ARHGEF17: variants seen among roughly 807,000 people sequenced by gnomAD.
ARHGEF17 encodes Rho guanine nucleotide exchange factor 17.
A neutral mutation model predicts 174.0 loss-of-function variants in ARHGEF17; 80 were observed. The observed-to-expected ratio is 0.46, with a 90% CI of 0.38 to 0.55. The LOEUF is 0.55. ARHGEF17 is among the 20% of genes least tolerant of loss of function. The pLI is 0.00. For missense variants in ARHGEF17, 2,886 were observed against 2,839.7 expected (o/e 1.02, Z -0.37); for synonymous variants, 1,311 against 1,189.1 (o/e 1.10, Z -2.11).
chr11:73,327,037 G>A (rs1419923613), intron 1 of ARHGEF17, among the ~76,000 whole-genome samples: 1 of 152,216 alleles, frequency 6.6e-6, no homozygotes, highest in East Asian at 1.9e-4. Flanking sequence ...GGTAAACTCT[G>A]TTGGGGGCCA....
Position 73,311,654 on chromosome 11 carries a change from G to C in ARHGEF17, c.3016G>C (p.Val1006Leu). Reference sequence around the variant, plus strand: ...GTTGCAGGCACCATCGCTCGAGGACGTCACCAAGCAGTACATGCTGAACCT... The same window carrying C: ...GTTGCAGGCACCATCGCTCGAGGACCTCACCAAGCAGTACATGCTGAACCT... Reference protein sequence around the residue: ...PTLQAPSLEDVTKQYMLNLHS... With the variant: ...PTLQAPSLEDLTKQYMLNLHS... Residue 1006 changes from valine (V) to leucine (L), a missense_variant, in exon 1 of 21, where the codon GTC (valine) becomes CTC (leucine). Physicochemically the swap from Val to Leu is conservative, Grantham distance 32. This residue lies in a region of ARHGEF17 where 1,728 missense variants were observed against 1,461.2 expected (regional missense o/e 1.18). Transcript: ENST00000263674. The C allele has an allele frequency of 6.2e-7, 1 of 1,613,370 alleles. No homozygotes were observed. The highest frequency in any genetic ancestry group is 8.5e-7 in the Non-Finnish European group (1 of 1,179,972).
At chr11:73,312,133 A>T (rs777641106) in intron 1 of ARHGEF17, among the ~76,000 whole-genome samples, 4 of 151,970 alleles carry the variant, frequency 2.6e-5, no homozygotes, top group Non-Finnish European at 4.4e-5. Context: ...TTTCTCAGGG[A>T]CTGGTTTTGG....
Position 73,365,820 on chromosome 11 carries a change from A to C in ARHGEF17, c.5868A>C (p.Pro1956=). The stretch of plus-strand genomic sequence containing the variant: ...CTTCGCCCGGTACTGTCAGCTGCCC[A>C]CGGGCACCACTCAGTCCCACAGGCC... The part of the protein sequence containing the change: ...MPTSPGTVSC[P]RAPLSPTGLG... The change falls in exon 20 of 21, where the codon CCA becomes CCC. Residue 1956 remains proline (P), a synonymous_variant. Transcript: ENST00000263674. This position sits in a 1 kb window ranked among gnomAD's most constrained non-coding sequence, Gnocchi z 4.9. The C allele has an allele frequency of 6.2e-7, 1 of 1,613,424 alleles. No homozygotes were observed. The highest frequency in any genetic ancestry group is 8.5e-7 in the Non-Finnish European group (1 of 1,180,036).
intron 2 of ARHGEF17, among the ~76,000 whole-genome samples, chr11:73,348,645 A>G (rs1865503379): frequency 1.3e-5 from 2 of 152,164 alleles, no homozygotes; most frequent in South Asian, 4.1e-4. Context: ...GGGAGTTACT[A>G]TTTAATGGGT....
intron 1 of ARHGEF17, among the ~76,000 whole-genome samples, chr11:73,335,189 C>T (rs1259991716): frequency 6.6e-6 from 1 of 152,162 alleles, no homozygotes; most frequent in African/African-American, 2.4e-5. Context: ...GTCCTACCTA[C>T]CCTAAGGCCT....
At chr11:73,361,396 T>G (rs1865735642) in intron 12 of ARHGEF17, among the ~76,000 whole-genome samples, 2 of 152,230 alleles carry the variant, frequency 1.3e-5, no homozygotes, top group Admixed American at 6.5e-5. Context: ...GTTATATGAA[T>G]GATGGGAAGT....
rs1287276018 is a variant in ARHGEF17, at chr11:73,308,859, C to A, written c.221C>A (p.Pro74Gln). ...GPLAAPAQPR[P>Q]LRSLSPSVRQ... The stretch of plus-strand genomic sequence containing the variant: ...CTGGCCGCCCCCGCGCAGCCGCGCC[C>A]GCTCCGCAGCCTCTCGCCGTCGGTT... The change falls in exon 1 of 21, where the codon CCG becomes CAG. Residue 74 changes from proline to glutamine, a missense_variant. Physicochemically the swap from Pro to Gln is moderately conservative, Grantham distance 76. Around this residue, in one of 4 missense-constraint regions of ARHGEF17, gnomAD observed 1,728 missense variants for 1,461.2 expected, o/e 1.18. Coordinates refer to ENST00000263674, the MANE Select transcript of ARHGEF17 (RefSeq NM_014786.4). 4 of 1,345,796 alleles carry A rather than the reference C, an allele frequency of 3.0e-6. No homozygotes were observed. The highest frequency in any genetic ancestry group is 3.8e-6 in the Non-Finnish European group (4 of 1,055,774). The allele number at this position is 1,345,796 out of a possible 1,614,324, so 83.4% of individuals were successfully genotyped here.
In ARHGEF17 at chr11:73,310,053, T is replaced by C; in HGVS notation, c.1415T>C (p.Leu472Pro). 6.2e-7 allele frequency: 1 copy of C among 1,614,162 alleles called. No individual in the cohort carries two copies. The highest frequency in any genetic ancestry group is 2.2e-5 in the East Asian group (1 of 44,884). Residue 472 changes from leucine (L) to proline (P), a missense_variant, in exon 1 of 21, where the codon CTG (leucine) becomes CCG (proline). Leu to Pro is a moderately conservative substitution (Grantham distance 98). Transcript: ENST00000263674. ...LSNPDIASET[L>P]TLLSFLRSDL... ...AATCCAGATATCGCCTCAGAGACCC[T>C]GACGCTTCTCAGTTTCCTGCGCTCA... is the stretch of plus-strand genomic sequence containing the variant.
rs377333672 is a variant in ARHGEF17 at position 73,365,779 on chromosome 11, G to A, written c.5827G>A (p.Val1943Ile). The change falls in exon 20 of 21, where the codon GTC (valine) becomes ATC (isoleucine). Residue 1943 changes from valine to isoleucine, a missense_variant. Val to Ile is a conservative substitution (Grantham distance 29). Around this residue, in one of 4 missense-constraint regions of ARHGEF17, gnomAD observed 329 missense variants for 435.2 expected, o/e 0.76. Transcript: ENST00000263674. The surrounding 1 kb of genome is among the most constrained non-coding windows in gnomAD (Gnocchi z 4.9). The stretch of plus-strand genomic sequence containing the variant: ...GTGGGTGGGCACCAGTGCTGGTGTC[G>A]TCCTCACCATGCCCACTTCGCCCGG... ...LLWVGTSAGV[V>I]LTMPTSPGTV... 2.5e-5 allele frequency: 40 copies of A among 1,613,550 alleles called. No homozygotes were observed. Among genetic ancestry groups the A allele is most frequent in the South Asian group, 6.6e-5 (6 of 91,084 alleles).
rs1386980443 is a variant in ARHGEF17, at chr11:73,341,480, A to AT, written c.3193-5392dup. On this transcript the variant is annotated intron_variant, in intron 1 of 20. Transcript: ENST00000263674. ...CGCCACCACACCTGGCTAATTTTGT[A>AT]TTTTTTTTTTTAATAGAGATGGGGT... is the stretch of plus-strand genomic sequence containing the variant. Among the ~76,000 whole-genome samples the AT allele has an allele frequency of 1.8e-3, 263 of 146,180 alleles. 2 individuals are homozygous for AT. Among genetic ancestry groups the AT allele is most frequent in the East Asian group, 4.8e-3 (24 of 5,008 alleles).
intron 2 of ARHGEF17, among the ~76,000 whole-genome samples, chr11:73,349,235 G>A (rs1203876393): frequency 6.6e-6 from 1 of 152,114 alleles, no homozygotes; most frequent in African/African-American, 2.4e-5. Flanking sequence ...GTCCTCACTG[G>A]GTGATACTAG....
At chr11:73,360,629 C>A in intron 11 of ARHGEF17, 96 bp downstream of exon 11, 1 of 1,342,100 alleles carries the variant, frequency 7.5e-7, no homozygotes, top group Non-Finnish European at 1.1e-6. Context: ...GAGCCAGAAC[C>A]GCAGTGCCCT....
chr11:73,359,493 C>G (rs74365600), intron 9 of ARHGEF17, among the ~76,000 whole-genome samples: 3 of 152,208 alleles, frequency 2.0e-5, no homozygotes, highest in Non-Finnish European at 4.4e-5. Flanking sequence ...AGCACGCCCA[C>G]GGGAGGCTGC....
At chr11:73,364,883 CAA>C (rs1865810102) in intron 18 of ARHGEF17, 1 of 410,340 alleles carries the variant, frequency 2.4e-6, no homozygotes, top group Admixed American at 4.2e-5. Context: ...GGGGATAGGA[CAA>C]GAGTCCTTTC....
In ARHGEF17 at chr11:73,365,806, A is replaced by G. The variant is rs1183101658; in HGVS notation, c.5854A>G (p.Thr1952Ala). The G allele has an allele frequency of 6.2e-7, 1 of 1,613,624 alleles. No homozygotes were observed. Among genetic ancestry groups the G allele is most frequent in the South Asian group, 1.1e-5 (1 of 91,082 alleles). Reference sequence around the variant, plus strand: ...CCTCACCATGCCCACTTCGCCCGGTACTGTCAGCTGCCCACGGGCACCACT... The same window carrying G: ...CCTCACCATGCCCACTTCGCCCGGTGCTGTCAGCTGCCCACGGGCACCACT... ...VVLTMPTSPGTVSCPRAPLSP... is the reference protein window; with the variant it reads ...VVLTMPTSPGAVSCPRAPLSP... Residue 1952 changes from threonine to alanine, a missense_variant, in exon 20 of 21, where the codon ACT becomes GCT. This residue lies in a region of ARHGEF17 where 329 missense variants were observed against 435.2 expected (regional missense o/e 0.76). Transcript: ENST00000263674. The surrounding 1 kb of genome is among the most constrained non-coding windows in gnomAD (Gnocchi z 4.9).
Position 73,308,519 on chromosome 11 carries a change from C to T in ARHGEF17, c.-120C>T. ...ACCTCTGCTCCGGTCTCTGCGTCCT[C>T]TTCCCACACTCCCGTGCGCTGCTTT... On this transcript the variant is annotated 5_prime_UTR_variant, in exon 1 of 21. Coordinates refer to ENST00000263674, the MANE Select transcript of ARHGEF17 (RefSeq NM_014786.4). 1.1e-6 allele frequency: 1 copy of T among 905,122 alleles called. No individual in the cohort carries two copies. The highest frequency in any genetic ancestry group is 1.8e-5 in the African/African-American group (1 of 56,936). 56.1% of individuals were successfully genotyped at this position (905,122 alleles called of 1,614,324 possible).
intron 2 of ARHGEF17, 146 bp from the exon 3 acceptor site, chr11:73,352,684 T>A: frequency 1.3e-6 from 1 of 792,496 alleles, no homozygotes; most frequent in South Asian, 1.7e-5. Flanking sequence ...CTCCTGGAGC[T>A]CTTGGTCTCA....
chr11:73,352,820 G>C lies in ARHGEF17; in HGVS notation c.3271-10G>C. ...TGAGGGAGTGTGCACCGACCCTGTGGGTCCTTCAGGGCTACATGCAGCCGC... is the reference window on the plus strand; with the variant it reads ...TGAGGGAGTGTGCACCGACCCTGTGCGTCCTTCAGGGCTACATGCAGCCGC... On this transcript the variant is annotated splice_polypyrimidine_tract_variant and intron_variant, in intron 2 of 20. Transcript: ENST00000263674. 6.2e-7 allele frequency: 1 copy of C among 1,613,646 alleles called. No individual in the cohort carries two copies. The highest frequency in any genetic ancestry group is 2.2e-5 in the East Asian group (1 of 44,874).
rs1444753324 is a variant in ARHGEF17, at chr11:73,311,685, C to T, written c.3047C>T (p.Ser1016Phe). Residue 1016 changes from serine (S) to phenylalanine (F), a missense_variant, in exon 1 of 21, where the codon TCC (serine) becomes TTC (phenylalanine). Transcript: ENST00000263674. ...VTKQYMLNLH[S>F]GEVPAPVPVD... ...AAGCAGTACATGCTGAACCTGCACT[C>T]CGGTGAGGTCCCTGCCCCAGTGCCA... 3.7e-6 allele frequency: 6 copies of T among 1,613,310 alleles called. No individual in the cohort carries two copies. Among genetic ancestry groups the T allele is most frequent in the East Asian group, 2.2e-5 (1 of 44,896 alleles).
Sources: allele counts gnomAD v4.1 joint callset (sites outside exome capture counted in the v4.1 genomes callset), GRCh38; gene constraint gnomAD v4.1.1; regional missense constraint gnomAD v4.1.1; non-coding constraint Gnocchi (gnomAD v3.1); transcripts MANE v1.5; gene names NCBI Gene and HGNC (gene_info 2026-07-23, HGNC 2026-07-21).